BDP1: variants seen among roughly 807,000 people sequenced by gnomAD.
BDP1 encodes BDP1 general transcription factor IIIB subunit.
Under a neutral mutation model 266.6 loss-of-function variants are expected in BDP1, and 169 were observed. That is an observed-to-expected ratio of 0.63 (90% CI 0.56 to 0.72). The LOEUF is 0.72. Ranked by LOEUF, BDP1 falls within the 30% of genes least tolerant of loss-of-function variation. The probability of loss-of-function intolerance (pLI) is 0.00; values close to 1 mark genes in which losing one functional copy is unlikely to be tolerated. For synonymous variants in BDP1, 1,090 were observed against 1,022.4 expected (o/e 1.07, Z -1.26); for missense variants, 3,015 against 3,053.8 (o/e 0.99, Z 0.30).
At chr5:71,481,548 C>CT (rs1347388576) in intron 7 of BDP1, among the ~76,000 whole-genome samples, 1 of 152,100 alleles carries the variant, frequency 6.6e-6, no homozygotes, top group Non-Finnish European at 1.5e-5. Flanking sequence ...CATCAAGACT[C>CT]TGTTTCAATA....
At chr5:71,557,375 ATTTTTTT>A (rs55810132) in intron 36 of BDP1, among the ~76,000 whole-genome samples, 13 of 103,350 alleles carry the variant, frequency 1.3e-4, no homozygotes, top group African/African-American at 3.5e-4. Context: ...TGCCAAGCTA[ATTTTTTT>A]TTTTTTTTTT....
chr5:71,552,103 C>G (rs9808484), intron 34 of BDP1, among the ~76,000 whole-genome samples: 4 of 89,022 alleles, frequency 4.5e-5, no homozygotes, highest in Non-Finnish European at 1.0e-4. Context: ...ACTTCTCAGA[C>G]GGGGCGGCTG....
intron 7 of BDP1, among the ~76,000 whole-genome samples, chr5:71,474,740 G>C (rs1016768020): frequency 1.3e-5 from 2 of 151,862 alleles, no homozygotes; most frequent in African/African-American, 4.8e-5. Flanking sequence ...CTAGCTACTC[G>C]GGAGGCTAAG....
intron 22 of BDP1, among the ~76,000 whole-genome samples, chr5:71,521,960 C>CTT (rs71931322): frequency 0.015 from 2,219 of 145,000 alleles, 31 homozygotes; most frequent in Middle Eastern, 0.11. Context: ...AGCTACTTGC[C>CTT]TTTTTTTTTT....
At chr5:71,544,018 A>G (rs186720158) in intron 30 of BDP1, among the ~76,000 whole-genome samples, 6 of 152,354 alleles carry the variant, frequency 3.9e-5, no homozygotes, top group African/African-American at 1.4e-4. Flanking sequence ...GACTTCCTCT[A>G]AAGTGGAACT....
At position 71,506,816 on chromosome 5, in the gene BDP1, CA is replaced by C. The variant is rs1328197192; in HGVS notation, c.2372+2066del. ...ACACACACACACACACACACACACACACACACACCCATATTTTTTTAAAGAC... is the reference window on the plus strand; with the variant it reads ...ACACACACACACACACACACACACACCACACACCCATATTTTTTTAAAGAC... On this transcript the variant is annotated intron_variant, in intron 16 of 38. Transcript: ENST00000358731. 5.9e-3 allele frequency among the ~76,000 whole-genome samples: 847 copies of C among 142,760 alleles called. 7 individuals are homozygous for C. The highest frequency in any genetic ancestry group is 0.045 in the South Asian group (186 of 4,140). 93.7% of individuals were successfully genotyped at this position (142,760 alleles called of 152,430 possible).
intron 25 of BDP1, among the ~76,000 whole-genome samples, chr5:71,529,347 A>G (rs2150529041): frequency 6.6e-6 from 1 of 152,188 alleles, no homozygotes; most frequent in Non-Finnish European, 1.5e-5. Flanking sequence ...CCAAGATCAC[A>G]CCACTGCACT....
At chr5:71,576,954 A>C in the BDP1 span, among the ~76,000 whole-genome samples, 1 of 152,188 alleles carries the variant, frequency 6.6e-6, no homozygotes, top group Non-Finnish European at 1.5e-5. Context: ...CACAGTCTTA[A>C]TGTTACATTT....
At chr5:71,483,818 C>T (rs760393818) in intron 7 of BDP1, 24 bp from the exon 8 acceptor site, 2 of 1,577,558 alleles carry the variant, frequency 1.3e-6, no homozygotes, top group Non-Finnish European at 1.7e-6. Context: ...AGAAAATTAC[C>T]ATAGGGTTTT....
rs775046664 is a variant in BDP1 at position 71,509,655 on chromosome 5, A to T, written c.2563A>T (p.Thr855Ser). The change falls in exon 17 of 39, where the codon ACC becomes TCC. Residue 855 changes from threonine to serine, a missense_variant. Thr to Ser is a moderately conservative substitution (Grantham distance 58). Coordinates refer to ENST00000358731, the MANE Select transcript of BDP1 (RefSeq NM_018429.3). The part of the protein sequence containing the change: ...AALRETVRLD[T>S]SPKEMVPAEI... ...ATTGAGAGAAACTGTAAGACTAGAC[A>T]CCTCACCAAAGGAGATGGTACCAGC... The T allele has an allele frequency of 8.1e-6, 13 of 1,612,868 alleles. No individual in the cohort carries two copies. In the Admixed American group the frequency reaches 2.2e-4, roughly 27 times the overall value.
At chr5:71,488,492 C>T (rs925971044) in intron 9 of BDP1, among the ~76,000 whole-genome samples, 1 of 149,844 alleles carries the variant, frequency 6.7e-6, no homozygotes, top group Admixed American at 6.7e-5. Flanking sequence ...GCCATGGTGC[C>T]ATCTCAGCTC....
intron 7 of BDP1, among the ~76,000 whole-genome samples, chr5:71,481,969 C>T (rs938868392): frequency 6.6e-6 from 1 of 152,136 alleles, no homozygotes; most frequent in African/African-American, 2.4e-5. Flanking sequence ...TCGTTTTTAT[C>T]TCTAATGGTG....
chr5:71,574,361 CT>C, the BDP1 span, among the ~76,000 whole-genome samples: 4 of 152,182 alleles, frequency 2.6e-5, no homozygotes, highest in East Asian at 7.7e-4. Context: ...TGGCACCCCC[CT>C]GTCAGGAAAC....
chr5:71,501,278 G>A (rs1181913112), intron 13 of BDP1, among the ~76,000 whole-genome samples: 1 of 152,054 alleles, frequency 6.6e-6, no homozygotes, highest in Non-Finnish European at 1.5e-5. Context: ...TGCGTTCAAA[G>A]AATTCTCCTG....
At chr5:71,538,070 T>C (rs1285835199) in intron 26 of BDP1, among the ~76,000 whole-genome samples, 1 of 152,238 alleles carries the variant, frequency 6.6e-6, no homozygotes, top group Non-Finnish European at 1.5e-5. Context: ...GAATTTGTCA[T>C]ATGCTTTTTC....
intron 4 of BDP1, among the ~76,000 whole-genome samples, chr5:71,464,484 G>A (rs1761773295): frequency 6.6e-6 from 1 of 152,008 alleles, no homozygotes; most frequent in South Asian, 2.1e-4. Context: ...GACAGAGCAA[G>A]ACTTTGTCTC....
intron 9 of BDP1, among the ~76,000 whole-genome samples, chr5:71,487,305 G>A (rs1195936704): frequency 2.6e-5 from 4 of 151,866 alleles, no homozygotes; most frequent in Non-Finnish European, 5.9e-5. Flanking sequence ...GCAGTGGCAC[G>A]ATCTCGACTC....
At position 71,562,432 on chromosome 5, in the gene BDP1, A is replaced by G. The variant is rs1743740394; in HGVS notation, c.7655A>G (p.Gln2552Arg). ...LKRSNPFNES[Q>R]EKNRESSDLL... is the part of the protein sequence containing the mutation. ...AGATCTAATCCATTCAATGAAAGCC[A>G]GGAAAAAAATCGAGAGTCCTCTGAT... The change falls in exon 38 of 39, where the codon CAG becomes CGG. Residue 2552 changes from glutamine (Q) to arginine (R), a missense_variant. Gln to Arg is a conservative substitution (Grantham distance 43). Transcript: ENST00000358731. The G allele has an allele frequency of 6.2e-7, 1 of 1,614,068 alleles. No individual in the cohort carries two copies. The highest frequency in any genetic ancestry group is 1.7e-5 in the Admixed American group (1 of 60,020).
At chr5:71,511,717 C>T (rs1764932505) in intron 17 of BDP1, among the ~76,000 whole-genome samples, 1 of 151,956 alleles carries the variant, frequency 6.6e-6, no homozygotes, top group Non-Finnish European at 1.5e-5. Flanking sequence ...TTCTTTAAGT[C>T]AGATGGGCAA....
Sources: gnomAD v4.1 joint callset for allele counts (sites outside exome capture counted in the v4.1 genomes callset) on GRCh38, gnomAD v4.1.1 for gene constraint, MANE v1.5 for transcripts, NCBI Gene and HGNC (gene_info 2026-07-23, HGNC 2026-07-21) for gene names.